The following SLTM variants were observed in gnomAD, a reference collection of about 807,000 sequenced individuals.
SLTM encodes SAFB-like transcription modulator.
SLTM carries 43 observed loss-of-function variants against 134.6 expected under a neutral mutation model. That is an observed-to-expected ratio of 0.32 (90% confidence interval 0.25 to 0.41). The LOEUF (loss-of-function observed/expected upper bound fraction) is 0.41. Among genes scored for constraint, SLTM ranks in the 10% least tolerant of loss-of-function variants. The probability of loss-of-function intolerance (pLI) is 1.00; values close to 1 mark genes in which losing one functional copy is unlikely to be tolerated. For synonymous variants in SLTM, 424 were observed against 432.3 expected, an observed-to-expected ratio of 0.98 and a Z score of 0.24; for missense variants, 1,055 against 1,288.8, an observed-to-expected ratio of 0.82 and a Z score of 2.78.
At chr15:58,892,783 T>G (rs2034768626) in intron 14 of SLTM, 114 bp downstream of exon 14, 3 of 1,096,864 alleles carry the variant, frequency 2.7e-6, no homozygotes, top group Non-Finnish European at 4.0e-6. Flanking sequence ...CGTAACTTCT[T>G]TAAGGTGGCA....
At chr15:58,883,006 C>T (rs2033866721) in intron 20 of SLTM, among the ~76,000 whole-genome samples, 1 of 152,154 alleles carries the variant, frequency 6.6e-6, no homozygotes, top group South Asian at 2.1e-4. Flanking sequence ...ATGATGGTTC[C>T]AATGTGAGGT....
chr15:58,894,238 T>C (rs763138940), intron 10 of SLTM, 45 bp from the exon 11 acceptor site: 3 of 1,503,128 alleles, frequency 2.0e-6, no homozygotes, highest in South Asian at 2.4e-5. Flanking sequence ...TATGGTTACA[T>C]TTTTGTGATT....
rs1394023304 is a variant in SLTM at position 58,894,704 on chromosome 15, T to TG, written c.1228-123dup. The TG allele has an allele frequency of 5.7e-5, 46 of 812,952 alleles. No homozygotes were observed. In the Admixed American group the frequency reaches 7.3e-4, roughly 13 times the overall value. 50.4% of individuals were successfully genotyped at this position (812,952 alleles called of 1,614,324 possible). A position where few individuals can be genotyped will look rare whatever the true frequency, so the allele number is the denominator to read the frequency against. On this transcript the variant is annotated intron_variant, in intron 9 of 20. Transcript: ENST00000380516. ...TCAGGGTGTATCTTATTCTGTCTCA[T>TG]GTTTTTTTTTTTTTTTTTGAGATGG...
chr15:58,898,957 A>T (rs758107017), intron 7 of SLTM, 105 bp from the exon 8 acceptor site: 149 of 782,128 alleles, frequency 1.9e-4, no homozygotes, highest in Non-Finnish European at 2.8e-4. Flanking sequence ...CTATTCATAC[A>T]AATTAACAAT....
At chr15:58,918,971 G>A (rs1407723542) in intron 2 of SLTM, among the ~76,000 whole-genome samples, 1 of 151,782 alleles carries the variant, frequency 6.6e-6, no homozygotes, top group Non-Finnish European at 1.5e-5. Flanking sequence ...GTGGAAGGCA[G>A]TGGCGCAATC....
intron 5 of SLTM, among the ~76,000 whole-genome samples, chr15:58,903,760 C>T (rs7178664): frequency 0.99 from 150,804 of 152,104 alleles, 74,774 homozygotes; most frequent in Middle Eastern, 1. Flanking sequence ...CCAGGTGAAA[C>T]TAATGCTGCT....
At chr15:58,927,821 C>T (rs1258899591) in intron 2 of SLTM, among the ~76,000 whole-genome samples, 1 of 152,178 alleles carries the variant, frequency 6.6e-6, no homozygotes, top group Non-Finnish European at 1.5e-5. Flanking sequence ...TACTTAACAT[C>T]TGAACATACT....
chr15:58,920,666 A>AAAT (rs2036977388), intron 2 of SLTM, among the ~76,000 whole-genome samples: 4 of 80,030 alleles, frequency 5.0e-5, no homozygotes, highest in African/African-American at 1.9e-4. Flanking sequence ...AATAAATAAA[A>AAAT]ATTTTTTGGC....
intron 5 of SLTM, among the ~76,000 whole-genome samples, chr15:58,909,477 G>C (rs190515710): frequency 1.3e-5 from 2 of 152,022 alleles, no homozygotes; most frequent in Non-Finnish European, 2.9e-5. Flanking sequence ...GATACCACTG[G>C]GTAACCAAAT....
Position 58,899,624 on chromosome 15 carries a change from C to G in SLTM, c.903G>C (p.Ala301=). ...EKESKDYEMN[A]NHKDGKKEDC... is the part of the protein sequence containing the mutation. ...CTTCCTTCTTACCATCTTTATGGTTCGCATTCATCTCATAATCCTTGCTTT... is the reference window on the plus strand; with the variant it reads ...CTTCCTTCTTACCATCTTTATGGTTGGCATTCATCTCATAATCCTTGCTTT... Residue 301 remains alanine (A), a synonymous_variant, in exon 7 of 21, where the codon GCG becomes GCC. Transcript: ENST00000380516. This position sits in a 1 kb window ranked among gnomAD's most constrained non-coding sequence, Gnocchi z 5.0. 6.2e-7 allele frequency: 1 copy of G among 1,614,166 alleles called. No individual in the cohort carries two copies. Among genetic ancestry groups the G allele is most frequent in the Non-Finnish European group, 8.5e-7 (1 of 1,180,022 alleles).
Position 58,882,182 on chromosome 15 carries a change from A to AAAAAAAAAAAAAC in SLTM, c.2996+1443_2996+1444insGTTTTTTTTTTTT, listed in dbSNP as rs1467170419. On this transcript the variant is annotated intron_variant, in intron 20 of 20. Transcript: ENST00000380516. ...CCTGGACAGAGCAAGACTCTGTCTC[A>AAAAAAAAAAAAAC]AAAAAAAAAAACCACACTTAGAAAT... Among the ~76,000 whole-genome samples the AAAAAAAAAAAAAC allele has an allele frequency of 1.2e-4, 6 of 50,270 alleles. 1 individual carries two copies. The highest frequency in any genetic ancestry group is 2.2e-4 in the Non-Finnish European group (4 of 18,214). The allele number at this position is 50,270 out of a possible 152,430, so 33.0% of individuals were successfully genotyped here.
chr15:58,917,189 T>C lies in SLTM; in HGVS notation c.251-190A>G, dbSNP rs553509986. 2.4e-4 allele frequency among the ~76,000 whole-genome samples: 36 copies of C among 152,340 alleles called. 1 individual carries two copies. Among genetic ancestry groups the C allele is most frequent in the African/African-American group, 6.0e-4 (25 of 41,576 alleles). On this transcript the variant is annotated intron_variant, in intron 2 of 20. Transcript: ENST00000380516. The stretch of plus-strand genomic sequence containing the variant: ...AGCTTTCCTATGTCATGCTGCTTCA[T>C]TGAAATACACCGTGCACAGAATCCT...
At chr15:58,923,542 C>G (rs1026692267) in intron 2 of SLTM, among the ~76,000 whole-genome samples, 3 of 152,066 alleles carry the variant, frequency 2.0e-5, no homozygotes, top group Admixed American at 2.0e-4. Context: ...ATATCACACA[C>G]GAGAAAGAAT....
chr15:58,931,069 T>A (rs1315859578), intron 2 of SLTM, among the ~76,000 whole-genome samples: 4 of 152,236 alleles, frequency 2.6e-5, no homozygotes, highest in Non-Finnish European at 4.4e-5. Flanking sequence ...GGTTAATTCC[T>A]GATATACTTA....
At position 58,893,827 on chromosome 15, in the gene SLTM, G is replaced by C; in HGVS notation, c.1642C>G (p.Arg548Gly). ...GAAAAGATGTATAGCATACTTATTC[G>C]CTTCTTTTCTTCACTTTTTTTAATC... ...ESIKKSEEKKRISSKSPGHMV... is the reference protein window; with the variant it reads ...ESIKKSEEKKGISSKSPGHMV... Residue 548 changes from arginine to glycine, a missense_variant, in exon 12 of 21, where the codon CGA becomes GGA. Transcript: ENST00000380516. The C allele has an allele frequency of 5.0e-6, 8 of 1,607,262 alleles. No homozygotes were observed. Among genetic ancestry groups the C allele is most frequent in the Non-Finnish European group, 6.8e-6 (8 of 1,178,324 alleles).
chr15:58,892,913 C>T lies in SLTM; in HGVS notation c.1882G>A (p.Ala628Thr). 6.2e-7 allele frequency: 1 copy of T among 1,613,078 alleles called. No homozygotes were observed. The highest frequency in any genetic ancestry group is 8.5e-7 in the Non-Finnish European group (1 of 1,179,744). Residue 628 changes from alanine (A) to threonine (T), a missense_variant, in exon 14 of 21, where the codon GCA (alanine) becomes ACA (threonine). This residue lies in a region of SLTM where 776 missense variants were observed against 962.2 expected (regional missense o/e 0.81). Transcript: ENST00000380516. ...HLVRFERLRR[A>T]MELRRRREIA... ...TCTTCCTACCTTCGAAGTTCCATTG[C>T]TCGTCGCAGCCTTTCAAAACGAACT...
chr15:58,894,525 T>C lies in SLTM; in HGVS notation c.1285A>G (p.Ile429Val). The change falls in exon 10 of 21, where the codon ATT (isoleucine) becomes GTT (valine). Residue 429 changes from isoleucine (I) to valine (V), a missense_variant. Around this residue, in one of 3 missense-constraint regions of SLTM, gnomAD observed 776 missense variants for 962.2 expected, o/e 0.81. Transcript: ENST00000380516. ...ARSPGAKCYG[I>V]VTMSSSTEVS... ...TCTGTGCTTGAAGACATAGTTACAATGCCATAGCATTTTGCCCCAGGACTT... is the reference window on the plus strand; with the variant it reads ...TCTGTGCTTGAAGACATAGTTACAACGCCATAGCATTTTGCCCCAGGACTT... 6.2e-7 allele frequency: 1 copy of C among 1,614,142 alleles called. No individual in the cohort carries two copies. The highest frequency in any genetic ancestry group is 8.5e-7 in the Non-Finnish European group (1 of 1,180,012).
intron 2 of SLTM, among the ~76,000 whole-genome samples, chr15:58,925,343 T>C (rs1401630423): frequency 1.3e-5 from 2 of 152,078 alleles, no homozygotes; most frequent in East Asian, 1.9e-4. Context: ...CTGAGTTTTT[T>C]GTTTCTGTTT....
chr15:58,887,829 C>T (rs2034344210), intron 17 of SLTM, among the ~76,000 whole-genome samples: 1 of 152,054 alleles, frequency 6.6e-6, no homozygotes, highest in Non-Finnish European at 1.5e-5. Context: ...GAGGCATATC[C>T]AAAGCAATCA....
Sources: allele counts gnomAD v4.1 joint callset (sites outside exome capture counted in the v4.1 genomes callset), GRCh38; gene constraint gnomAD v4.1.1; regional missense constraint gnomAD v4.1.1; non-coding constraint Gnocchi (gnomAD v3.1); transcripts MANE v1.5; gene names NCBI Gene and HGNC (gene_info 2026-07-23, HGNC 2026-07-21).